Variants in ZNF600 observed in about 807,000 individuals in gnomAD.
ZNF600 encodes zinc finger protein 600, also known as zinc finger protein KR-ZNF1.
In ZNF600, 4 loss-of-function variants were observed where a neutral mutation model predicts 7.3. That is an observed-to-expected ratio of 0.55 (90% CI 0.27 to 1.25). ZNF600 has a LOEUF of 1.25. Ranked by LOEUF, ZNF600 falls within the 50% of genes most tolerant of loss-of-function variation. The pLI is 0.12. For missense variants in ZNF600, 911 were observed against 922.1 expected (o/e 0.99, Z 0.16); for synonymous variants, 290 against 308.9 (o/e 0.94, Z 0.64).
chr19:52,771,962 A>G (rs372070882), intron 3 of ZNF600, among the ~76,000 whole-genome samples: 3,186 of 151,830 alleles, frequency 0.021, 126 homozygotes, highest in African/African-American at 0.072. Context: ...ATAGGAAAAG[A>G]GGCATCTCAT....
downstream of ZNF600, chr19:52,764,438 C>T (rs1189626994): frequency 6.6e-6 from 1 of 151,308 alleles, no homozygotes; most frequent in Admixed American, 6.6e-5. Flanking sequence ...TCTTGAACTT[C>T]TGACCTTAGG....
intron 1 of ZNF600, among the ~76,000 whole-genome samples, 175 bp downstream of exon 3, chr19:52,780,406 G>A (rs1418876886): frequency 6.6e-6 from 1 of 152,020 alleles, no homozygotes; most frequent in Non-Finnish European, 1.5e-5. Context: ...CTAGAGAGAG[G>A]GACAGCTCAA....
chr19:52,788,713 C>T (rs1469229232), upstream of ZNF600, among the ~76,000 whole-genome samples: 1 of 152,176 alleles, frequency 6.6e-6, no homozygotes, highest in Non-Finnish European at 1.5e-5. Flanking sequence ...GCACAGCCCC[C>T]TCACCTCCCT....
At chr19:52,807,846 A>G in the ZNF600 span, 1 of 1,195,790 alleles carries the variant, frequency 8.4e-7, no homozygotes. Context: ...CAGAACCTCT[A>G]AACAAAGGGG....
chr19:52,810,568 T>C, the ZNF600 span: 1 of 1,593,214 alleles, frequency 6.3e-7, no homozygotes, highest in Non-Finnish European at 8.6e-7. Flanking sequence ...CAGACCGGGG[T>C]CTTCCACGAG....
the ZNF600 span, chr19:52,817,894 C>T: frequency 5.0e-6 from 8 of 1,608,388 alleles, no homozygotes; most frequent in South Asian, 2.2e-5. Flanking sequence ...CAAGGCCCAG[C>T]GTTTCTGAAA....
intron 1 of ZNF600, among the ~76,000 whole-genome samples, chr19:52,779,739 A>G (rs1239507886): frequency 1.3e-5 from 2 of 152,154 alleles, no homozygotes; most frequent in Non-Finnish European, 2.9e-5. Flanking sequence ...CCTTCGAAAG[A>G]CTAATCAGAA....
intron 3 of ZNF600, among the ~76,000 whole-genome samples, chr19:52,768,741 G>A (rs771217562): frequency 6.6e-5 from 10 of 151,870 alleles, no homozygotes; most frequent in Non-Finnish European, 1.5e-4. Flanking sequence ...AGATGTGTGG[G>A]CAGCAAGCCA....
the ZNF600 span, among the ~76,000 whole-genome samples, chr19:52,812,141 T>TG: frequency 1.6e-4 from 18 of 112,680 alleles, no homozygotes; most frequent in East Asian, 1.6e-3. Context: ...GGGAGGGTGG[T>TG]GGGGGGGTCA....
chr19:52,812,762 TAAAAAAAAA>T, the ZNF600 span, among the ~76,000 whole-genome samples: 12,953 of 75,824 alleles, frequency 0.17, 959 homozygotes, highest in South Asian at 0.33. Flanking sequence ...GAATGATCAA[TAAAAAAAAA>T]AAAAAAAAAA....
the ZNF600 span, among the ~76,000 whole-genome samples, chr19:52,813,133 T>C: frequency 2.6e-5 from 4 of 151,612 alleles, no homozygotes; most frequent in African/African-American, 7.3e-5. Context: ...TACTTTTGCA[T>C]GTATTTAAAA....
Position 52,767,812 on chromosome 19 carries a change from A to G in ZNF600, c.191-40T>C. 3 of 1,523,030 alleles carry G rather than the reference A, an allele frequency of 2.0e-6. No homozygotes were observed. The Admixed American group carries it at 6.8e-5, about 35-fold the overall frequency. The allele number at this position is 1,523,030 out of a possible 1,614,324, so 94.3% of individuals were successfully genotyped here. ...CAACAATAGGTTTCCAATTAAGTACAGATGGTAAATCATACTGAAGTGTGT... is the reference window on the plus strand; with the variant it reads ...CAACAATAGGTTTCCAATTAAGTACGGATGGTAAATCATACTGAAGTGTGT... On this transcript the variant is annotated intron_variant, in intron 3 of 3. Coordinates refer to ENST00000648973, the Ensembl canonical transcript of ZNF600.
At chr19:52,777,125 A>G (rs567905064) in intron 2 of ZNF600, among the ~76,000 whole-genome samples, 5 of 148,248 alleles carry the variant, frequency 3.4e-5, no homozygotes, top group African/African-American at 1.2e-4. Context: ...TCAGGCCTGT[A>G]ATCCCAGCAC....
the ZNF600 span, among the ~76,000 whole-genome samples, chr19:52,812,356 GGAT>G: frequency 2.8e-5 from 4 of 141,538 alleles, no homozygotes; most frequent in South Asian, 8.9e-4. Context: ...TTGAGAAATC[GGAT>G]GATTGCCGGG....
intron 2 of ZNF600, among the ~76,000 whole-genome samples, chr19:52,775,729 G>A (rs9304736): frequency 7.2e-5 from 11 of 152,028 alleles, no homozygotes; most frequent in African/African-American, 2.2e-4. Flanking sequence ...TCATGACTGC[G>A]CAGGCACAGT....
the ZNF600 span, among the ~76,000 whole-genome samples, chr19:52,824,217 C>G: frequency 1.3e-5 from 2 of 152,172 alleles, no homozygotes; most frequent in South Asian, 4.1e-4. Context: ...AGTAGGGTGT[C>G]CTCAAAAACA....
At chr19:52,799,794 ACT>A in the ZNF600 span, 2 of 1,613,784 alleles carry the variant, frequency 1.2e-6, no homozygotes, top group Middle Eastern at 1.6e-4. Flanking sequence ...TCCAGTATGA[ACT>A]CTCTGATGCT....
intron 2 of ZNF600, among the ~76,000 whole-genome samples, chr19:52,775,738 G>GT (rs1255048561): frequency 6.6e-6 from 1 of 152,200 alleles, no homozygotes; most frequent in African/African-American, 2.4e-5. Flanking sequence ...CGCAGGCACA[G>GT]TGGCTCATGC....
intron 3 of ZNF600, among the ~76,000 whole-genome samples, chr19:52,770,430 A>G (rs1024547841): frequency 6.6e-6 from 1 of 152,236 alleles, no homozygotes; most frequent in Non-Finnish European, 1.5e-5. Context: ...TGACAGGGCT[A>G]GACTCCATCT....
Sources: allele counts gnomAD v4.1 joint callset (sites outside exome capture counted in the v4.1 genomes callset), GRCh38; gene constraint gnomAD v4.1.1; transcripts MANE v1.5; gene names NCBI Gene and HGNC (gene_info 2026-07-23, HGNC 2026-07-21).